NAV2: variants seen among roughly 807,000 people sequenced by gnomAD.
The protein encoded by NAV2 is neuron navigator 2, also known as helicase, APC down-regulated 1.
NAV2 carries 54 observed loss-of-function variants against 223.2 expected under a neutral mutation model. The observed-to-expected ratio is 0.24, with a 90% confidence interval of 0.19 to 0.30. The LOEUF (loss-of-function observed/expected upper bound fraction) is 0.30. NAV2 is among the 10% of genes least tolerant of loss of function. The probability of loss-of-function intolerance (pLI) is 1.00; values close to 1 mark genes in which losing one functional copy is unlikely to be tolerated. For missense variants in NAV2, 2,806 were observed against 3,147.5 expected (o/e 0.89, Z 2.60); for synonymous variants, 1,279 against 1,239.3 (o/e 1.03, Z -0.67).
At chr11:19,545,151 C>G (rs1162063692) in intron 1 of NAV2, among the ~76,000 whole-genome samples, 1 of 152,212 alleles carries the variant, frequency 6.6e-6, no homozygotes, top group African/African-American at 2.4e-5. Context: ...ACACCACAGC[C>G]CTCCACGCCA....
chr11:19,873,975 A>G (rs577354085), intron 4 of NAV2, among the ~76,000 whole-genome samples: 2 of 152,286 alleles, frequency 1.3e-5, no homozygotes, highest in South Asian at 2.1e-4. Flanking sequence ...TCACACAACC[A>G]TGGCTCAAAG....
intron 1 of NAV2, among the ~76,000 whole-genome samples, chr11:19,398,495 G>A (rs1849555411): frequency 6.6e-6 from 1 of 151,992 alleles, no homozygotes; most frequent in Admixed American, 6.6e-5. Flanking sequence ...AAACATAGCT[G>A]GCTTTCCCAC....
chr11:19,897,882 T>TGA (rs1262393924), intron 6 of NAV2, among the ~76,000 whole-genome samples: 7 of 104,252 alleles, frequency 6.7e-5, no homozygotes, highest in African/African-American at 3.0e-4. Flanking sequence ...GCCTGACCTG[T>TGA]GATTTATATA....
intron 1 of NAV2, among the ~76,000 whole-genome samples, chr11:19,480,424 A>C (rs1445447358): frequency 6.6e-6 from 1 of 152,066 alleles, no homozygotes; most frequent in Non-Finnish European, 1.5e-5. Context: ...GAAGCTTCTC[A>C]AGGTGGTGCT....
chr11:20,070,958 A>AT (rs921826649), intron 22 of NAV2, among the ~76,000 whole-genome samples: 5 of 151,348 alleles, frequency 3.3e-5, no homozygotes, highest in Admixed American at 6.6e-5. Flanking sequence ...GGTTTTTTAA[A>AT]TTTTTTTTTT....
intron 3 of NAV2, among the ~76,000 whole-genome samples, chr11:19,868,053 T>C (rs1183981636): frequency 6.6e-6 from 1 of 152,002 alleles, no homozygotes; most frequent in African/African-American, 2.4e-5. Context: ...TTTGAGTTCA[T>C]AGGAATGTTG....
At position 19,414,197 on chromosome 11, in the gene NAV2, G is replaced by C. The variant is rs181449766; in HGVS notation, c.75+63170G>C. Among the ~76,000 whole-genome samples the C allele has an allele frequency of 2.9e-3, 448 of 152,274 alleles. 3 individuals are homozygous for C. Among genetic ancestry groups the C allele is most frequent in the African/African-American group, 0.01 (416 of 41,568 alleles). On this transcript the variant is annotated intron_variant, in intron 1 of 37. Transcript: ENST00000360655. Reference sequence around the variant, plus strand: ...CATCTCACATACAAAGAAACACATAGGCTCAAAATAAAGGGATGGAGGAAT... The same window carrying C: ...CATCTCACATACAAAGAAACACATACGCTCAAAATAAAGGGATGGAGGAAT...
chr11:19,652,520 C>A (rs947351838), intron 1 of NAV2, among the ~76,000 whole-genome samples: 4 of 152,230 alleles, frequency 2.6e-5, no homozygotes, highest in African/African-American at 9.6e-5. Context: ...GGACAAAGAA[C>A]TATTGGTTTT....
chr11:19,994,271 G>A (rs948630057), intron 11 of NAV2, among the ~76,000 whole-genome samples: 1 of 152,036 alleles, frequency 6.6e-6, no homozygotes, highest in Non-Finnish European at 1.5e-5. Context: ...CTAGGGCCAG[G>A]CGTGGTGGCT....
chr11:19,677,429 C>G (rs113316974), intron 1 of NAV2, among the ~76,000 whole-genome samples: 1 of 152,350 alleles, frequency 6.6e-6, no homozygotes, highest in Non-Finnish European at 1.5e-5. Flanking sequence ...GTGTCCTACT[C>G]GGCTTGTGAT....
chr11:19,510,879 G>A (rs1175587718), intron 1 of NAV2: 3 of 152,236 alleles, frequency 2.0e-5, no homozygotes, highest in African/African-American at 7.2e-5. Flanking sequence ...AGGCAAGGAA[G>A]GGGAGGACTT....
chr11:19,524,187 A>G (rs1197332604), intron 1 of NAV2, among the ~76,000 whole-genome samples: 1 of 152,176 alleles, frequency 6.6e-6, no homozygotes, highest in African/African-American at 2.4e-5. Context: ...GGTGGCCACG[A>G]CCAAGCCAGT....
chr11:20,106,219 A>G (rs1252515568), intron 35 of NAV2, among the ~76,000 whole-genome samples: 18 of 104,086 alleles, frequency 1.7e-4, no homozygotes, highest in East Asian at 1.3e-3. Flanking sequence ...ATATATATAT[A>G]TATATATATA....
intron 1 of NAV2, among the ~76,000 whole-genome samples, chr11:19,672,509 G>T (rs553258938): frequency 1.3e-5 from 2 of 152,104 alleles, no homozygotes; most frequent in African/African-American, 2.4e-5. Flanking sequence ...CATAAAGGGG[G>T]TATCATGATA....
chr11:19,520,901 T>C lies in NAV2; in HGVS notation c.75+169874T>C, dbSNP rs117074479. Among the ~76,000 whole-genome samples, 1,088 of 152,286 alleles carry C rather than the reference T, an allele frequency of 7.1e-3. 7 individuals are homozygous for C. Among genetic ancestry groups the C allele is most frequent in the South Asian group, 0.022 (105 of 4,826 alleles). On this transcript the variant is annotated intron_variant, in intron 1 of 37. Transcript: ENST00000360655. ...GCTGCCATTACCATTTCATTACTCATCTGCTAATTGTGGCAAATGGGGATT... is the reference window on the plus strand; with the variant it reads ...GCTGCCATTACCATTTCATTACTCACCTGCTAATTGTGGCAAATGGGGATT...
intron 6 of NAV2, among the ~76,000 whole-genome samples, chr11:19,898,653 TG>T (rs1198725031): frequency 6.6e-6 from 1 of 152,238 alleles, no homozygotes; most frequent in Non-Finnish European, 1.5e-5. Flanking sequence ...TATCCTTGTA[TG>T]TTTTTTACAT....
chr11:19,529,440 G>GC (rs11342978), intron 1 of NAV2, among the ~76,000 whole-genome samples: 2 of 152,136 alleles, frequency 1.3e-5, no homozygotes, highest in Non-Finnish European at 2.9e-5. Flanking sequence ...CCTCTGGGAG[G>GC]CCCCCCAATA....
intron 1 of NAV2, among the ~76,000 whole-genome samples, chr11:19,386,366 T>C (rs768224684): frequency 7.9e-5 from 12 of 152,306 alleles, no homozygotes; most frequent in Non-Finnish European, 1.2e-4. Context: ...TTTAATTTTC[T>C]AAGACTCTGT....
intron 1 of NAV2, among the ~76,000 whole-genome samples, chr11:19,471,728 G>A (rs930779867): frequency 2.6e-5 from 4 of 152,176 alleles, no homozygotes; most frequent in Admixed American, 2.0e-4. Context: ...CAAACAGTAA[G>A]TATGAAGAAG....
Sources: allele counts gnomAD v4.1 joint callset (sites outside exome capture counted in the v4.1 genomes callset), GRCh38; gene constraint gnomAD v4.1.1; transcripts MANE v1.5; gene names NCBI Gene and HGNC (gene_info 2026-07-23, HGNC 2026-07-21).